Variants in MMP26 observed in about 807,000 individuals in gnomAD.
MMP26 encodes the protein matrix metallopeptidase 26.
A neutral mutation model predicts 31.0 loss-of-function variants in MMP26; 33 were observed. The observed-to-expected ratio is 1.06, with a 90% CI of 0.81 to 1.42. The LOEUF (loss-of-function observed/expected upper bound fraction) is 1.42. MMP26 is among the 40% of genes most tolerant of loss of function. MMP26 has a pLI of 0.00. For synonymous variants in MMP26, 122 were observed against 114.9 expected (o/e 1.06, Z -0.40); for missense variants, 347 against 316.1 (o/e 1.10, Z -0.74).
chr11:4,759,496 A>G (rs781152352), intron 1 of MMP26, among the ~76,000 whole-genome samples: 2 of 152,202 alleles, frequency 1.3e-5, no homozygotes, highest in Non-Finnish European at 2.9e-5. Flanking sequence ...TACTTCTTTG[A>G]ATAATAAATA....
chr11:4,949,389 A>G (rs1158646307), intron 2 of MMP26, among the ~76,000 whole-genome samples: 2 of 123,488 alleles, frequency 1.6e-5, no homozygotes, highest in Non-Finnish European at 3.7e-5. Flanking sequence ...AGCTATAATT[A>G]TAATAATAAA....
At chr11:4,731,173 A>G (rs1405858172) in intron 1 of MMP26, among the ~76,000 whole-genome samples, 1 of 151,990 alleles carries the variant, frequency 6.6e-6, no homozygotes, top group African/African-American at 2.4e-5. Flanking sequence ...TGAACTCCTG[A>G]CCTCAGGTGA....
At chr11:4,739,896 C>T (rs1309189496) in intron 1 of MMP26, among the ~76,000 whole-genome samples, 1 of 152,108 alleles carries the variant, frequency 6.6e-6, no homozygotes, top group Non-Finnish European at 1.5e-5. Context: ...AGATAATCTC[C>T]ATTTTTTTAT....
intron 2 of MMP26, chr11:4,877,854 A>G (rs918763625): frequency 6.6e-6 from 1 of 152,206 alleles, no homozygotes; most frequent in Non-Finnish European, 1.5e-5. Flanking sequence ...ATAAACATTT[A>G]TACTTTAAAA....
At chr11:4,815,455 T>A (rs1350042043) in intron 2 of MMP26, among the ~76,000 whole-genome samples, 1 of 152,184 alleles carries the variant, frequency 6.6e-6, no homozygotes, top group Admixed American at 6.5e-5. Context: ...AGGAATAAAA[T>A]GGGAGGCAGG....
At chr11:4,954,590 A>G (rs1383278559) in intron 2 of MMP26, among the ~76,000 whole-genome samples, 1 of 125,052 alleles carries the variant, frequency 8.0e-6, no homozygotes, top group African/African-American at 2.7e-5. Flanking sequence ...AAATGGGGAC[A>G]TAAGGCAACG....
At chr11:4,840,464 T>G (rs1264195115) in intron 2 of MMP26, among the ~76,000 whole-genome samples, 2 of 152,218 alleles carry the variant, frequency 1.3e-5, no homozygotes, top group African/African-American at 2.4e-5. Flanking sequence ...CTTAGATTCA[T>G]GTGGCTCAGA....
intron 2 of MMP26, chr11:4,923,993 A>G: frequency 5.0e-6 from 8 of 1,614,160 alleles, no homozygotes; most frequent in Non-Finnish European, 6.8e-6. Context: ...GGATAACAGA[A>G]CTGATGACTC....
intron 2 of MMP26, among the ~76,000 whole-genome samples, chr11:4,987,575 C>T (rs1471868515): frequency 6.6e-6 from 1 of 152,024 alleles, no homozygotes; most frequent in Non-Finnish European, 1.5e-5. Context: ...CCCACCACCA[C>T]ACCCGGCTAA....
At chr11:4,799,222 A>G (rs185546535) in intron 2 of MMP26, among the ~76,000 whole-genome samples, 52 of 152,308 alleles carry the variant, frequency 3.4e-4, no homozygotes, top group African/African-American at 1.2e-3. Context: ...AAGAAAACAG[A>G]CTTAATTGGC....
intron 2 of MMP26, among the ~76,000 whole-genome samples, chr11:4,849,705 T>C (rs1849946866): frequency 6.6e-6 from 1 of 152,210 alleles, no homozygotes; most frequent in Non-Finnish European, 1.5e-5. Context: ...GGCACTCATT[T>C]TTTCTAAGCT....
At chr11:4,900,187 C>A (rs1850779959) in intron 2 of MMP26, among the ~76,000 whole-genome samples, 1 of 152,138 alleles carries the variant, frequency 6.6e-6, no homozygotes, top group Admixed American at 6.6e-5. Context: ...TGCAAGTATT[C>A]TAAAATGTGT....
At chr11:4,830,612 G>A (rs1272138974) in intron 2 of MMP26, among the ~76,000 whole-genome samples, 1 of 152,232 alleles carries the variant, frequency 6.6e-6, no homozygotes, top group Non-Finnish European at 1.5e-5. Context: ...GGAGACAGAT[G>A]TTGTGTTATT....
intron 2 of MMP26, chr11:4,915,018 A>G: frequency 6.2e-7 from 1 of 1,614,092 alleles, no homozygotes; most frequent in Non-Finnish European, 8.5e-7. Flanking sequence ...ATGAGCAGTG[A>G]GTCTATACCC....
In MMP26 at chr11:4,901,403, G is replaced by A. The variant is rs1351443853; in HGVS notation, c.-144-86665G>A. ...TCTCAATCTCCTGACCTTGTGATCCGCCTGCCTCGGCCTCCCAAAGTGCTG... is the reference window on the plus strand; with the variant it reads ...TCTCAATCTCCTGACCTTGTGATCCACCTGCCTCGGCCTCCCAAAGTGCTG... On this transcript the variant is annotated intron_variant, in intron 2 of 7. Coordinates refer to ENST00000380390, the MANE Select transcript of MMP26 (RefSeq NM_021801.5). 4.0e-5 allele frequency among the ~76,000 whole-genome samples: 6 copies of A among 151,868 alleles called. No homozygotes were observed. The East Asian group carries it at 5.8e-4, about 15-fold the overall frequency.
chr11:4,848,031 T>C, intron 2 of MMP26: 1 of 557,236 alleles, frequency 1.8e-6, no homozygotes. Context: ...TGATATGTAA[T>C]GTACCAGTGG....
At chr11:4,869,751 A>G (rs982872079) in intron 2 of MMP26, among the ~76,000 whole-genome samples, 27 of 152,348 alleles carry the variant, frequency 1.8e-4, no homozygotes, top group Middle Eastern at 3.4e-3. Flanking sequence ...TCATGCTGCT[A>G]TAAAGACACA....
intron 2 of MMP26, among the ~76,000 whole-genome samples, chr11:4,939,410 C>T (rs142456232): frequency 0.019 from 2,824 of 152,224 alleles, 34 homozygotes; most frequent in Middle Eastern, 0.037. Flanking sequence ...GCTCCTCAGA[C>T]GGCAAAATGT....
chr11:4,764,487 T>A (rs899642010), intron 1 of MMP26, among the ~76,000 whole-genome samples: 3 of 152,220 alleles, frequency 2.0e-5, no homozygotes, highest in African/African-American at 7.2e-5. Context: ...CAGTTAGGTA[T>A]GCGACCCAAG....
Sources: allele counts gnomAD v4.1 joint callset (sites outside exome capture counted in the v4.1 genomes callset), GRCh38; gene constraint gnomAD v4.1.1; transcripts MANE v1.5; gene names NCBI Gene and HGNC (gene_info 2026-07-23, HGNC 2026-07-21).